The following KLHL29 variants were observed in gnomAD, a reference collection of about 807,000 sequenced individuals.
KLHL29 encodes kelch-like protein 29.
In KLHL29, 21 loss-of-function variants were observed where a neutral mutation model predicts 80.4. That is an observed-to-expected ratio of 0.26 (90% CI 0.19 to 0.38). The LOEUF is 0.38. Ranked by LOEUF, KLHL29 falls within the 10% of genes least tolerant of loss-of-function variation. KLHL29 has a pLI of 1.00. For missense variants in KLHL29, 867 were observed against 1,223.9 expected, an observed-to-expected ratio of 0.71 and a Z score of 4.35; for synonymous variants, 511 against 526.8, an observed-to-expected ratio of 0.97 and a Z score of 0.41.
chr2:23,590,098 A>G (rs995146427), intron 3 of KLHL29, among the ~76,000 whole-genome samples: 1 of 152,244 alleles, frequency 6.6e-6, no homozygotes, highest in Non-Finnish European at 1.5e-5. Context: ...GCAGAGGCCT[A>G]GAGAGGGAAG....
chr2:23,583,797 C>T (rs1217127853), intron 3 of KLHL29, among the ~76,000 whole-genome samples: 2 of 152,206 alleles, frequency 1.3e-5, no homozygotes, highest in Non-Finnish European at 2.9e-5. Flanking sequence ...CAAAAAACCA[C>T]ATAAGCCAAA....
intron 2 of KLHL29, among the ~76,000 whole-genome samples, chr2:23,521,293 AG>A (rs1376806701): frequency 6.6e-6 from 1 of 152,190 alleles, no homozygotes; most frequent in East Asian, 1.9e-4. Context: ...CTCTGCCTGC[AG>A]GAGGAAGGAC....
intron 2 of KLHL29, among the ~76,000 whole-genome samples, chr2:23,560,409 T>C (rs933450118): frequency 1.1e-4 from 17 of 151,840 alleles, no homozygotes; most frequent in African/African-American, 3.9e-4. Flanking sequence ...TAGCTGGGAC[T>C]ACAGGCACGT....
At chr2:23,426,533 T>G (rs1417340645) in intron 1 of KLHL29, among the ~76,000 whole-genome samples, 1 of 152,220 alleles carries the variant, frequency 6.6e-6, no homozygotes, top group African/African-American at 2.4e-5. Flanking sequence ...CAGGAAGGCC[T>G]TTCAGGCATG....
At chr2:23,634,646 G>A (rs946543837) in intron 3 of KLHL29, among the ~76,000 whole-genome samples, 10 of 152,140 alleles carry the variant, frequency 6.6e-5, no homozygotes, top group South Asian at 6.2e-4. Flanking sequence ...CCAAGCATCC[G>A]GAGGGGCTAA....
At chr2:23,513,820 A>G (rs555565710) in intron 2 of KLHL29, among the ~76,000 whole-genome samples, 6 of 152,312 alleles carry the variant, frequency 3.9e-5, no homozygotes, top group South Asian at 2.1e-4. Context: ...GGCTCCATCT[A>G]TAGACTTTCC....
At chr2:23,603,372 G>A (rs1464284444) in intron 3 of KLHL29, among the ~76,000 whole-genome samples, 1 of 152,116 alleles carries the variant, frequency 6.6e-6, no homozygotes, top group Non-Finnish European at 1.5e-5. Flanking sequence ...AGCGGCGGCA[G>A]TCAGGGCTCT....
chr2:23,425,865 C>A lies in KLHL29; in HGVS notation c.-154+40085C>A, dbSNP rs1324732132. On this transcript the variant is annotated intron_variant, in intron 1 of 13. Coordinates refer to ENST00000486442, the MANE Select transcript of KLHL29 (RefSeq NM_052920.2). ...AGGACAATAGTGATCCAGGCTGGGT[C>A]TCTTTCTTCATAGGGCACAAATCAA... 2.0e-5 allele frequency among the ~76,000 whole-genome samples: 3 copies of A among 152,196 alleles called. No homozygotes were observed. In the East Asian group the frequency reaches 5.8e-4, roughly 29 times the overall value.
intron 2 of KLHL29, among the ~76,000 whole-genome samples, chr2:23,554,389 A>C (rs966530377): frequency 1.7e-4 from 26 of 152,224 alleles, no homozygotes; most frequent in African/African-American, 6.0e-4. Context: ...GCCGAGGCTC[A>C]TTCCTCAGCC....
chr2:23,478,234 A>G (rs11125053), intron 2 of KLHL29, among the ~76,000 whole-genome samples: 71,382 of 151,998 alleles, frequency 0.47, 20,335 homozygotes, highest in African/African-American at 0.82. Flanking sequence ...ACAAATCACT[A>G]CGTGCAGCTG....
At chr2:23,620,496 G>A (rs1040628006) in intron 3 of KLHL29, among the ~76,000 whole-genome samples, 5 of 152,140 alleles carry the variant, frequency 3.3e-5, no homozygotes, top group Admixed American at 6.5e-5. Context: ...GGCATGGCGT[G>A]GGGGGACAGT....
chr2:23,561,839 A>G (rs1460664320), intron 2 of KLHL29, among the ~76,000 whole-genome samples: 4 of 152,152 alleles, frequency 2.6e-5, no homozygotes, highest in Admixed American at 1.3e-4. Context: ...AGTCCCATCC[A>G]TAATTAAAAT....
intron 3 of KLHL29, among the ~76,000 whole-genome samples, chr2:23,613,540 C>A (rs1478768988): frequency 2.0e-5 from 3 of 151,850 alleles, no homozygotes; most frequent in South Asian, 4.2e-4. Flanking sequence ...CTGAGGTGGG[C>A]GGATCACAAG....
At chr2:23,497,321 C>T (rs970195726) in intron 2 of KLHL29, among the ~76,000 whole-genome samples, 1 of 152,158 alleles carries the variant, frequency 6.6e-6, no homozygotes, top group African/African-American at 2.4e-5. Context: ...CTTCCTCTGT[C>T]CCTCCATGAC....
At chr2:23,689,004 G>A in intron 6 of KLHL29, 1 of 152,572 alleles carries the variant, frequency 6.6e-6, no homozygotes, top group Non-Finnish European at 1.5e-5. Flanking sequence ...TGATGTCCAG[G>A]GATACAGAGG....
intron 1 of KLHL29, among the ~76,000 whole-genome samples, chr2:23,390,463 T>G (rs577029325): frequency 6.6e-6 from 1 of 152,254 alleles, no homozygotes; most frequent in South Asian, 2.1e-4. Context: ...TGTTATGATT[T>G]GTAGGTTTTT....
At chr2:23,453,307 G>A (rs1039326794) in intron 1 of KLHL29, among the ~76,000 whole-genome samples, 1 of 152,140 alleles carries the variant, frequency 6.6e-6, no homozygotes, top group Non-Finnish European at 1.5e-5. Context: ...TCTTCTGCCC[G>A]GGAACTACCT....
intron 2 of KLHL29, among the ~76,000 whole-genome samples, chr2:23,544,314 G>A (rs979827056): frequency 4.6e-5 from 7 of 152,196 alleles, no homozygotes; most frequent in African/African-American, 1.7e-4. Context: ...GAGCTGGCAG[G>A]TGGAGACTGT....
At chr2:23,634,343 G>A (rs561769292) in intron 3 of KLHL29, among the ~76,000 whole-genome samples, 1 of 151,824 alleles carries the variant, frequency 6.6e-6, no homozygotes, top group East Asian at 2.0e-4. Context: ...TCTGAAGCCT[G>A]TCTCTGTCAG....
Sources: gnomAD v4.1 joint callset for allele counts (sites outside exome capture counted in the v4.1 genomes callset) on GRCh38, gnomAD v4.1.1 for gene constraint, MANE v1.5 for transcripts, NCBI Gene and HGNC (gene_info 2026-07-23, HGNC 2026-07-21) for gene names.